SUMF1: variants seen among roughly 807,000 people sequenced by gnomAD.
SUMF1 encodes sulfatase modifying factor 1.
SUMF1 carries 48 observed loss-of-function variants against 47.6 expected under a neutral mutation model. The ratio of observed to expected loss-of-function variants is 1.01; its 90% confidence interval spans 0.80 to 1.28. The LOEUF (loss-of-function observed/expected upper bound fraction) is 1.28. Ranked by LOEUF, SUMF1 falls within the 50% of genes most tolerant of loss-of-function variation. The pLI is 0.00. For missense variants in SUMF1, 571 were observed against 485.4 expected, an observed-to-expected ratio of 1.18 and a Z score of -1.66; for synonymous variants, 230 against 192.1, an observed-to-expected ratio of 1.20 and a Z score of -1.63.
rs1373079470 is a variant in SUMF1 at position 4,151,421 on chromosome 3, G to GTATA, written c.1015-82677_1015-82676insTATA. 9.8e-5 allele frequency among the ~76,000 whole-genome samples: 5 copies of GTATA among 51,022 alleles called. No individual in the cohort carries two copies. In the South Asian group the frequency reaches 3.1e-3, roughly 32 times the overall value. The allele number at this position is 51,022 out of a possible 152,430, so 33.5% of individuals were successfully genotyped here. Reference sequence around the variant, plus strand: ...TATGTATATGTATATATGTATATATGTGTATACATGTGTATATATGTATAT... The same window carrying GTATA: ...TATGTATATGTATATATGTATATATGTATATGTATACATGTGTATATATGTATAT... On this transcript the variant is annotated intron_variant and NMD_transcript_variant, in intron 8 of 12. Transcript: ENST00000448413.
intron 7 of SUMF1, among the ~76,000 whole-genome samples, chr3:4,387,000 A>T (rs1413960303): frequency 6.6e-6 from 1 of 151,938 alleles, no homozygotes; most frequent in Non-Finnish European, 1.5e-5. Flanking sequence ...CTATTTGCTA[A>T]CATTTTGTTA....
intron 8 of SUMF1, among the ~76,000 whole-genome samples, chr3:4,134,958 T>G (rs1490103248): frequency 2.0e-5 from 3 of 152,168 alleles, no homozygotes; most frequent in African/African-American, 2.4e-5. Context: ...AATAACAGGC[T>G]CTGAAATTGT....
chr3:4,068,662 G>C, exon 9 of SUMF1: 2 of 452,826 alleles, frequency 4.4e-6, no homozygotes, highest in Non-Finnish European at 4.4e-6. Flanking sequence ...CTAGAGATGA[G>C]AAGGCCTTCC....
At chr3:4,051,189 A>T (rs1325398355) in intron 9 of SUMF1, among the ~76,000 whole-genome samples, 1 of 152,060 alleles carries the variant, frequency 6.6e-6, no homozygotes, top group Non-Finnish European at 1.5e-5. Context: ...ACAACTGGAA[A>T]CTACCTGTTC....
At chr3:4,186,264 C>A (rs1695198479) in intron 8 of SUMF1, among the ~76,000 whole-genome samples, 2 of 152,022 alleles carry the variant, frequency 1.3e-5, no homozygotes, top group South Asian at 2.1e-4. Context: ...ACCTGAAGGC[C>A]AACACCCCCA....
chr3:4,452,559 C>T (rs1383815059), intron 2 of SUMF1, among the ~76,000 whole-genome samples: 1 of 152,212 alleles, frequency 6.6e-6, no homozygotes, highest in Non-Finnish European at 1.5e-5. Flanking sequence ...ACACATTAAG[C>T]ATTAACACAA....
At chr3:4,186,205 C>T (rs1410896950) in intron 8 of SUMF1, among the ~76,000 whole-genome samples, 1 of 152,030 alleles carries the variant, frequency 6.6e-6, no homozygotes, top group African/African-American at 2.4e-5. Context: ...TGCTAATGGG[C>T]AGATGCTGTA....
At chr3:4,456,969 TAC>T (rs1032503808) in intron 1 of SUMF1, among the ~76,000 whole-genome samples, 3 of 146,036 alleles carry the variant, frequency 2.1e-5, no homozygotes, top group South Asian at 2.2e-4. Context: ...TGTATATATA[TAC>T]GTGTGTGTAT....
At chr3:4,056,813 C>T (rs1200718712) in intron 9 of SUMF1, among the ~76,000 whole-genome samples, 1 of 152,002 alleles carries the variant, frequency 6.6e-6, no homozygotes, top group Non-Finnish European at 1.5e-5. Context: ...GCAATCTCGG[C>T]TCACTGCAAG....
chr3:4,151,524 T>TGTGTATATATAC lies in SUMF1; in HGVS notation c.1015-82780_1015-82779insGTATATATACAC, dbSNP rs1694332300. 2.2e-5 allele frequency among the ~76,000 whole-genome samples: 3 copies of TGTGTATATATAC among 134,460 alleles called. 1 individual carries two copies. Among genetic ancestry groups the TGTGTATATATAC allele is most frequent in the African/African-American group, 8.4e-5 (3 of 35,714 alleles). The allele number at this position is 134,460 out of a possible 152,430, so 88.2% of individuals were successfully genotyped here. On this transcript the variant is annotated intron_variant and NMD_transcript_variant, in intron 8 of 12. Transcript: ENST00000448413. ...ATATGTGTATATGTATACGTATATA[T>TGTGTATATATAC]GTATATATGTGTATATATATGTGTG...
At chr3:4,441,320 T>G (rs1027564062) in intron 3 of SUMF1, among the ~76,000 whole-genome samples, 4 of 152,240 alleles carry the variant, frequency 2.6e-5, no homozygotes. Flanking sequence ...CAGATGGGAC[T>G]GCATAGTTGC....
chr3:4,415,702 A>G (rs567836553), intron 6 of SUMF1, among the ~76,000 whole-genome samples: 2 of 152,230 alleles, frequency 1.3e-5, no homozygotes, highest in Middle Eastern at 6.8e-3. Flanking sequence ...AGTCCCAGCT[A>G]CTCGGGAGGT....
At chr3:4,227,168 G>A (rs969396596) in intron 8 of SUMF1, among the ~76,000 whole-genome samples, 1 of 152,096 alleles carries the variant, frequency 6.6e-6, no homozygotes, top group Non-Finnish European at 1.5e-5. Flanking sequence ...TGGGTATAAC[G>A]ATATGGTTAC....
At chr3:4,390,084 C>T (rs1265110317) in intron 7 of SUMF1, among the ~76,000 whole-genome samples, 1 of 152,192 alleles carries the variant, frequency 6.6e-6, no homozygotes, top group East Asian at 1.9e-4. Context: ...ATCTTATTAA[C>T]ACCCTGTTTT....
At position 4,351,443 on chromosome 3, in the gene SUMF1, G is replaced by A. The variant is rs186569234; in HGVS notation, c.1014+24887C>T. On this transcript the variant is annotated intron_variant and NMD_transcript_variant, in intron 8 of 12. Transcript: ENST00000448413. ...GTCCTCTCATATACTTTTTCAGACC[G>A]CTATTTCATGAGGATGACGCAGCAC... Among the ~76,000 whole-genome samples the A allele has an allele frequency of 8.6e-5, 13 of 151,720 alleles. No individual in the cohort carries two copies. In the East Asian group the frequency reaches 1.9e-3, roughly 23 times the overall value.
At chr3:4,241,698 T>A (rs961735804) in intron 8 of SUMF1, among the ~76,000 whole-genome samples, 6 of 152,152 alleles carry the variant, frequency 3.9e-5, no homozygotes, top group African/African-American at 1.4e-4. Context: ...AGGTTCGTTG[T>A]CTCACACCAA....
At chr3:4,202,568 C>T (rs568243904) in intron 8 of SUMF1, among the ~76,000 whole-genome samples, 2 of 151,858 alleles carry the variant, frequency 1.3e-5, no homozygotes, top group African/African-American at 4.8e-5. Flanking sequence ...CCTTTTGTTC[C>T]AAATGGCTTT....
At chr3:4,218,377 G>A (rs892505522) in intron 8 of SUMF1, among the ~76,000 whole-genome samples, 20 of 152,070 alleles carry the variant, frequency 1.3e-4, no homozygotes, top group African/African-American at 3.9e-4. Flanking sequence ...AAGTTAAATT[G>A]TTTCCTTTTT....
intron 8 of SUMF1, among the ~76,000 whole-genome samples, chr3:4,116,335 C>T (rs1009876052): frequency 2.0e-5 from 3 of 152,134 alleles, no homozygotes; most frequent in African/African-American, 7.2e-5. Context: ...TTATTATTCC[C>T]CGGGTTCTCC....
Sources: gnomAD v4.1 joint callset for allele counts (sites outside exome capture counted in the v4.1 genomes callset) on GRCh38, gnomAD v4.1.1 for gene constraint, MANE v1.5 for transcripts, NCBI Gene and HGNC (gene_info 2026-07-23, HGNC 2026-07-21) for gene names.